The following MAN2A1 variants were observed in gnomAD, a reference collection of about 807,000 sequenced individuals.
MAN2A1 encodes the protein mannosidase alpha class 2A member 1.
MAN2A1 carries 76 observed loss-of-function variants against 142.6 expected under a neutral mutation model. The observed-to-expected ratio is 0.53, with a 90% confidence interval of 0.44 to 0.65. The LOEUF (loss-of-function observed/expected upper bound fraction) is 0.65, where lower values mean the gene tolerates loss of function less well. Ranked by LOEUF, MAN2A1 falls within the 30% of genes least tolerant of loss-of-function variation. The pLI is 0.00. For missense variants in MAN2A1, 1,311 were observed against 1,365.1 expected, an observed-to-expected ratio of 0.96 and a Z score of 0.62; for synonymous variants, 559 against 473.2, an observed-to-expected ratio of 1.18 and a Z score of -2.35.
At position 109,840,342 on chromosome 5, in the gene MAN2A1, T is replaced by C. The variant is rs532102981; in HGVS notation, c.2567-1986T>C. 138 of 352,164 alleles carry C rather than the reference T, an allele frequency of 3.9e-4. 1 individual carries two copies. Among genetic ancestry groups the C allele is most frequent in the African/African-American group, 3.0e-3 (135 of 45,404 alleles). The allele number at this position is 352,164 out of a possible 1,614,324, so 21.8% of individuals were successfully genotyped here. A position where few individuals can be genotyped will look rare whatever the true frequency, so the allele number is the denominator to read the frequency against. ...TCAGCATTAATTTCTTCTTGACATT[T>C]TGGAAAAGGGAGTATTTCTGTGACT... On this transcript the variant is annotated intron_variant, in intron 16 of 21. Transcript: ENST00000261483.
At chr5:109,708,459 G>A (rs1308728350) in intron 1 of MAN2A1, among the ~76,000 whole-genome samples, 3 of 145,780 alleles carry the variant, frequency 2.1e-5, no homozygotes, top group Non-Finnish European at 3.0e-5. Context: ...GAGGGGAATG[G>A]GAATGTAAGA....
Position 109,866,376 on chromosome 5 carries a change from TGC to T in MAN2A1, c.3283-469_3283-468del, listed in dbSNP as rs148401478. Among the ~76,000 whole-genome samples, 9 of 152,274 alleles carry T rather than the reference TGC, an allele frequency of 5.9e-5. No individual in the cohort carries two copies. In the East Asian group the frequency reaches 7.7e-4, roughly 13 times the overall value. On this transcript the variant is annotated intron_variant, in intron 21 of 21. Transcript: ENST00000261483. ...GATCCCTCCTTGTAGTGAGCCTGTG[TGC>T]TCTCTCTTAACTCTGTTGGAACAGG...
At chr5:109,740,263 T>C (rs1752229620) in intron 4 of MAN2A1, among the ~76,000 whole-genome samples, 1 of 152,166 alleles carries the variant, frequency 6.6e-6, no homozygotes, top group Non-Finnish European at 1.5e-5. Flanking sequence ...GTCCTGGTTG[T>C]AAATAGGACA....
At chr5:109,757,135 T>C (rs1752709308) in intron 5 of MAN2A1, among the ~76,000 whole-genome samples, 1 of 152,154 alleles carries the variant, frequency 6.6e-6, no homozygotes, top group Non-Finnish European at 1.5e-5. Context: ...CTGTAATAAA[T>C]TATAGGTGTG....
chr5:109,834,859 A>G (rs1423567988), intron 16 of MAN2A1, among the ~76,000 whole-genome samples: 1 of 152,210 alleles, frequency 6.6e-6, no homozygotes, highest in Non-Finnish European at 1.5e-5. Flanking sequence ...GACTCAGACG[A>G]TAAATTAGAT....
intron 8 of MAN2A1, among the ~76,000 whole-genome samples, chr5:109,778,427 ATAATTTTC>A: frequency 6.6e-6 from 1 of 152,246 alleles, no homozygotes; most frequent in South Asian, 2.1e-4. Context: ...GAAAGCAGAC[ATAATTTTC>A]TAAGAGAGAA....
intron 16 of MAN2A1, among the ~76,000 whole-genome samples, chr5:109,832,365 T>C (rs533592595): frequency 1.1e-4 from 16 of 151,626 alleles, no homozygotes; most frequent in African/African-American, 3.9e-4. Flanking sequence ...GATTAGGGAG[T>C]GGTGATGACT....
chr5:109,692,312 G>A (rs1750693599), intron 1 of MAN2A1, among the ~76,000 whole-genome samples: 1 of 152,154 alleles, frequency 6.6e-6, no homozygotes, highest in Admixed American at 6.5e-5. Flanking sequence ...GGAGGGGAAG[G>A]CTGTTGGTAC....
intron 12 of MAN2A1, among the ~76,000 whole-genome samples, chr5:109,815,220 G>T (rs1232449193): frequency 1.3e-5 from 2 of 152,166 alleles, no homozygotes; most frequent in African/African-American, 4.8e-5. Flanking sequence ...ATGGGGAACA[G>T]TCAGGCGAAA....
At chr5:109,825,605 T>C (rs991291854) in intron 16 of MAN2A1, among the ~76,000 whole-genome samples, 2 of 152,208 alleles carry the variant, frequency 1.3e-5, no homozygotes, top group Non-Finnish European at 2.9e-5. Context: ...TGGCTGTAGC[T>C]TAGTGCTTGA....
chr5:109,769,907 C>T (rs578158166), intron 6 of MAN2A1, among the ~76,000 whole-genome samples: 1 of 152,218 alleles, frequency 6.6e-6, no homozygotes, highest in South Asian at 2.1e-4. Flanking sequence ...CTTTGTTCTT[C>T]CATCCCTTTT....
chr5:109,745,020 T>C (rs572613775), intron 4 of MAN2A1, among the ~76,000 whole-genome samples: 118 of 152,260 alleles, frequency 7.7e-4, no homozygotes, highest in Middle Eastern at 3.4e-3. Context: ...TATTGTTTGA[T>C]TTCCATTTTA....
chr5:109,829,341 A>C (rs529313083), intron 16 of MAN2A1, among the ~76,000 whole-genome samples: 4 of 152,212 alleles, frequency 2.6e-5, no homozygotes, highest in Non-Finnish European at 4.4e-5. Flanking sequence ...GAGAGGAATG[A>C]GCAGGAGCAT....
chr5:109,745,733 C>T (rs1010699132), intron 4 of MAN2A1, among the ~76,000 whole-genome samples: 1 of 152,146 alleles, frequency 6.6e-6, no homozygotes, highest in African/African-American at 2.4e-5. Flanking sequence ...TACTCTACCT[C>T]AGACTCCTGA....
At chr5:109,783,091 T>C (rs1283531951) in intron 9 of MAN2A1, among the ~76,000 whole-genome samples, 1 of 152,150 alleles carries the variant, frequency 6.6e-6, no homozygotes, top group Non-Finnish European at 1.5e-5. Flanking sequence ...TTCTCAATAA[T>C]GTAGAGATCG....
intron 4 of MAN2A1, among the ~76,000 whole-genome samples, chr5:109,750,590 G>A (rs1397202863): frequency 3.3e-5 from 5 of 152,002 alleles, no homozygotes; most frequent in Non-Finnish European, 7.4e-5. Context: ...AAAGCTATGT[G>A]CTTTCTGGCC....
intron 3 of MAN2A1, among the ~76,000 whole-genome samples, chr5:109,722,126 C>T (rs1342770010): frequency 2.0e-5 from 3 of 152,144 alleles, no homozygotes; most frequent in Non-Finnish European, 4.4e-5. Flanking sequence ...TCTTCTGAAA[C>T]CACAGGCTGA....
intron 3 of MAN2A1, among the ~76,000 whole-genome samples, chr5:109,724,544 G>T (rs1751691325): frequency 1.3e-5 from 2 of 152,062 alleles, no homozygotes; most frequent in South Asian, 2.1e-4. Flanking sequence ...GGCTTAAGTT[G>T]CATGTGTTGT....
intron 12 of MAN2A1, among the ~76,000 whole-genome samples, chr5:109,801,043 A>G (rs918387487): frequency 6.6e-6 from 1 of 152,172 alleles, no homozygotes. Context: ...GACTTCTTGT[A>G]TGTATAGTGT....
Sources: allele counts gnomAD v4.1 joint callset (sites outside exome capture counted in the v4.1 genomes callset), GRCh38; gene constraint gnomAD v4.1.1; transcripts MANE v1.5; gene names NCBI Gene and HGNC (gene_info 2026-07-23, HGNC 2026-07-21).